RPRD1A: variants seen among roughly 807,000 people sequenced by gnomAD.
The protein encoded by RPRD1A is regulation of nuclear pre-mRNA domain containing 1A, also known as regulation of nuclear pre-mRNA domain-containing protein 1A.
Under a neutral mutation model 37.8 loss-of-function variants are expected in RPRD1A, and 9 were observed. The ratio of observed to expected loss-of-function variants is 0.24; its 90% confidence interval spans 0.14 to 0.42. The LOEUF is 0.42. Ranked by LOEUF, RPRD1A falls within the 10% of genes least tolerant of loss-of-function variation. The pLI is 1.00. For synonymous variants in RPRD1A, 138 were observed against 139.7 expected, an observed-to-expected ratio of 0.99 and a Z score of 0.08; for missense variants, 255 against 371.0, an observed-to-expected ratio of 0.69 and a Z score of 2.57.
At chr18:36,015,131 TACACAC>T (rs201284977) in intron 6 of RPRD1A, among the ~76,000 whole-genome samples, 52 of 122,966 alleles carry the variant, frequency 4.2e-4, no homozygotes, top group East Asian at 1.3e-3. Flanking sequence ...GGGTCTCACA[TACACAC>T]ACACACACAC....
At chr18:35,999,642 CAA>C (rs35894007) in intron 6 of RPRD1A, among the ~76,000 whole-genome samples, 1,779 of 145,010 alleles carry the variant, frequency 0.012, 44 homozygotes, top group African/African-American at 0.042. Context: ...ATAATTGTGA[CAA>C]AAAAAAAAGA....
chr18:36,050,438 C>T (rs986542552), intron 1 of RPRD1A, among the ~76,000 whole-genome samples: 4 of 152,004 alleles, frequency 2.6e-5, no homozygotes, highest in Non-Finnish European at 2.9e-5. Context: ...GGTTTTCACC[C>T]GCCTTTGCTT....
At chr18:36,000,901 G>A (rs1909375696) in intron 6 of RPRD1A, among the ~76,000 whole-genome samples, 1 of 152,052 alleles carries the variant, frequency 6.6e-6, no homozygotes, top group Non-Finnish European at 1.5e-5. Context: ...TTTGGGGGTG[G>A]GTATTCTGAA....
At chr18:36,019,102 A>ATTTTTTTTTTT (rs946306446) in intron 6 of RPRD1A, among the ~76,000 whole-genome samples, 1 of 118,546 alleles carries the variant, frequency 8.4e-6, no homozygotes. Flanking sequence ...GGGACCATTG[A>ATTTTTTTTTTT]TTTTTTTTTT....
intron 6 of RPRD1A, among the ~76,000 whole-genome samples, chr18:36,000,014 T>A (rs1179203737): frequency 2.0e-5 from 3 of 152,182 alleles, no homozygotes; most frequent in Non-Finnish European, 2.9e-5. Context: ...GAGGAAAAAA[T>A]TAACTGAAGT....
chr18:36,036,319 C>G (rs973826252), intron 1 of RPRD1A, among the ~76,000 whole-genome samples: 3 of 152,024 alleles, frequency 2.0e-5, no homozygotes, highest in African/African-American at 7.2e-5. Context: ...AGTGACCCTC[C>G]CACCTAGGCC....
rs951489966 is a variant in RPRD1A at position 36,043,204 on chromosome 18, G to GGA, written c.152-9368_152-9367insTC. ...GAAAGATCAAGAAGAATCGGGGGGG[G>GGA]GGGAAGAAGGGGAGTTACCAACAAA... On this transcript the variant is annotated intron_variant, in intron 1 of 6. Coordinates refer to ENST00000399022, the MANE Select transcript of RPRD1A (RefSeq NM_018170.5). Among the ~76,000 whole-genome samples the GGA allele has an allele frequency of 4.4e-5, 6 of 136,344 alleles. 1 individual carries two copies. Among genetic ancestry groups the GGA allele is most frequent in the African/African-American group, 1.6e-4 (6 of 38,010 alleles). The allele number at this position is 136,344 out of a possible 152,430, so 89.4% of individuals were successfully genotyped here. A position where few individuals can be genotyped will look rare whatever the true frequency, so the allele number is the denominator to read the frequency against.
intron 2 of RPRD1A, among the ~76,000 whole-genome samples, chr18:36,033,259 A>C (rs1713487379): frequency 7.4e-6 from 1 of 134,524 alleles, no homozygotes; most frequent in Non-Finnish European, 1.5e-5. Flanking sequence ...CCAAGATCGC[A>C]CCACTGTACT....
intron 6 of RPRD1A, among the ~76,000 whole-genome samples, chr18:36,006,073 G>A (rs999287474): frequency 2.0e-5 from 3 of 152,156 alleles, no homozygotes; most frequent in African/African-American, 7.2e-5. Flanking sequence ...CAGAATTAAT[G>A]AAAATAGAAG....
At chr18:36,019,868 T>C (rs1202368616) in intron 6 of RPRD1A, among the ~76,000 whole-genome samples, 1 of 152,142 alleles carries the variant, frequency 6.6e-6, no homozygotes, top group Non-Finnish European at 1.5e-5. Flanking sequence ...GGCAAAACCC[T>C]GTCTCTACTA....
In RPRD1A at chr18:36,030,833, A is replaced by G. The variant is rs1911723863; in HGVS notation, c.461T>C (p.Leu154Pro). The change falls in exon 4 of 7, where the codon CTG (leucine) becomes CCG (proline). Residue 154 changes from leucine (L) to proline (P), a missense_variant. Transcript: ENST00000399022. ...CTGTGGTGGTTCACTTGGAGATCCC[A>G]GAGAGGAACAGTTTTCATTTTCATC... ...KVDENENCSS[L>P]GSPSEPPQTL... 5 of 1,612,742 alleles carry G rather than the reference A, an allele frequency of 3.1e-6. No individual in the cohort carries two copies. The highest frequency in any genetic ancestry group is 1.3e-5 in the African/African-American group (1 of 74,910).
In RPRD1A at chr18:36,007,486, G is replaced by A. The variant is rs561782108; in HGVS notation, c.790-14186C>T. On this transcript the variant is annotated intron_variant, in intron 6 of 6. Coordinates refer to ENST00000399022, the MANE Select transcript of RPRD1A (RefSeq NM_018170.5). ...ATTTAGCATCAAGATTCCAGTGATC[G>A]GAATGCAGGGATTCAGAGAAGGACA... Among the ~76,000 whole-genome samples the A allele has an allele frequency of 6.6e-5, 10 of 152,242 alleles. 1 individual carries two copies. The South Asian group carries it at 1.9e-3, about 28-fold the overall frequency.
Position 36,067,477 on chromosome 18 carries a change from G to T in RPRD1A, c.-73C>A. 1 of 1,479,034 alleles carries T rather than the reference G, an allele frequency of 6.8e-7. No homozygotes were observed. The highest frequency in any genetic ancestry group is 9.1e-7 in the Non-Finnish European group (1 of 1,093,356). The allele number at this position is 1,479,034 out of a possible 1,614,324, so 91.6% of individuals were successfully genotyped here. ...AGGAGAGTTTCGCCGCCCTAGCTGC[G>T]GCCTCGCCCCCTCACCCCACCCTTC... On this transcript the variant is annotated 5_prime_UTR_variant, in exon 1 of 7. Transcript: ENST00000399022.
chr18:36,020,567 G>A (rs181973202), intron 6 of RPRD1A, among the ~76,000 whole-genome samples: 2 of 152,300 alleles, frequency 1.3e-5, no homozygotes. Context: ...CAATATGTGA[G>A]TGAAAAGTTA....
At position 36,033,699 on chromosome 18, in the gene RPRD1A, T is replaced by C. The variant is rs1322781061; in HGVS notation, c.281+9A>G. The C allele has an allele frequency of 6.2e-7, 1 of 1,602,954 alleles. No individual in the cohort carries two copies. Among genetic ancestry groups the C allele is most frequent in the South Asian group, 1.1e-5 (1 of 89,034 alleles). On this transcript the variant is annotated intron_variant, in intron 2 of 6. Transcript: ENST00000399022. The stretch of plus-strand genomic sequence containing the variant: ...ACAGATTACCTAATACCCAAAACTA[T>C]GATCATACCTTGAAACATGCTTAAA...
At chr18:36,004,643 T>C (rs928662982) in intron 6 of RPRD1A, among the ~76,000 whole-genome samples, 3 of 152,052 alleles carry the variant, frequency 2.0e-5, no homozygotes, top group African/African-American at 7.3e-5. Flanking sequence ...TTTAACCCCA[T>C]GTAGATAAAC....
intron 6 of RPRD1A, among the ~76,000 whole-genome samples, chr18:36,015,266 G>T (rs1910470716): frequency 6.7e-6 from 1 of 148,484 alleles, no homozygotes; most frequent in African/African-American, 2.5e-5. Context: ...AGGCTAGAGT[G>T]CAGTGGCGTG....
intron 1 of RPRD1A, among the ~76,000 whole-genome samples, chr18:36,036,270 T>TAC (rs986425222): frequency 2.0e-5 from 3 of 151,974 alleles, no homozygotes; most frequent in Non-Finnish European, 1.5e-5. Flanking sequence ...GATAAGGTCT[T>TAC]ACTTTGTTGC....
At chr18:36,034,333 G>A (rs1279073422) in intron 1 of RPRD1A, among the ~76,000 whole-genome samples, 6 of 152,116 alleles carry the variant, frequency 3.9e-5, no homozygotes, top group Non-Finnish European at 8.8e-5. Flanking sequence ...TTAACTGCTA[G>A]GGAGAGTAAA....
Sources: gnomAD v4.1 joint callset for allele counts (sites outside exome capture counted in the v4.1 genomes callset) on GRCh38, gnomAD v4.1.1 for gene constraint, MANE v1.5 for transcripts, NCBI Gene and HGNC (gene_info 2026-07-23, HGNC 2026-07-21) for gene names.